PTPRQ: variants seen among roughly 807,000 people sequenced by gnomAD.
PTPRQ encodes the protein phosphatidylinositol phosphatase PTPRQ.
In PTPRQ, 199 loss-of-function variants were observed where a neutral mutation model predicts 246.0. The ratio of observed to expected loss-of-function variants is 0.81; its 90% confidence interval spans 0.72 to 0.91. The LOEUF is 0.91. PTPRQ is among the 40% of genes least tolerant of loss of function. PTPRQ has a pLI of 0.00. For missense variants in PTPRQ, 2,624 were observed against 2,528.4 expected, an observed-to-expected ratio of 1.04 and a Z score of -0.81; for synonymous variants, 869 against 853.2, an observed-to-expected ratio of 1.02 and a Z score of -0.32.
chr12:80,467,256 A>T (rs910160523), intron 6 of PTPRQ, among the ~76,000 whole-genome samples: 52 of 152,196 alleles, frequency 3.4e-4, no homozygotes, highest in African/African-American at 1.2e-3. Context: ...ACATGAAAAG[A>T]TGCTCACCAT....
chr12:80,521,414 G>A (rs1592609466), intron 17 of PTPRQ, among the ~76,000 whole-genome samples: 1 of 152,164 alleles, frequency 6.6e-6, no homozygotes, highest in South Asian at 2.1e-4. Context: ...TGCTTTTTGT[G>A]TTTTAGACAT....
At chr12:80,471,757 T>C (rs1473168263) in intron 7 of PTPRQ, among the ~76,000 whole-genome samples, 2 of 152,126 alleles carry the variant, frequency 1.3e-5, no homozygotes, top group East Asian at 3.9e-4. Context: ...AGCATTTTAA[T>C]TGAATAAATT....
intron 4 of PTPRQ, among the ~76,000 whole-genome samples, chr12:80,458,748 C>A (rs1051776218): frequency 1.3e-5 from 2 of 151,864 alleles, no homozygotes; most frequent in Admixed American, 1.3e-4. Flanking sequence ...ATTATTATTA[C>A]TCTATATAAT....
At chr12:80,623,164 G>A (rs1275493666) in intron 33 of PTPRQ, among the ~76,000 whole-genome samples, 3 of 152,080 alleles carry the variant, frequency 2.0e-5, no homozygotes, top group Non-Finnish European at 4.4e-5. Flanking sequence ...TGAGAGTTAT[G>A]ACTGGAGAAA....
chr12:80,585,207 T>C (rs1897571238), intron 25 of PTPRQ, among the ~76,000 whole-genome samples: 1 of 152,104 alleles, frequency 6.6e-6, no homozygotes. Context: ...TTACCCCTCT[T>C]ACGGTCACCC....
At chr12:80,461,880 G>A (rs944373102) in intron 6 of PTPRQ, 4 of 146,398 alleles carry the variant, frequency 2.7e-5, no homozygotes, top group Non-Finnish European at 3.0e-5. Flanking sequence ...TGATTTCGGG[G>A]GGAGCCAAGA....
chr12:80,602,655 G>T (rs982848742), intron 26 of PTPRQ, among the ~76,000 whole-genome samples: 1 of 151,688 alleles, frequency 6.6e-6, no homozygotes, highest in Non-Finnish European at 1.5e-5. Flanking sequence ...TTCTCATGAC[G>T]TAATCACCTC....
chr12:80,591,120 CTT>C (rs757029945), intron 26 of PTPRQ, among the ~76,000 whole-genome samples: 134 of 77,360 alleles, frequency 1.7e-3, no homozygotes, highest in African/African-American at 6.8e-3. Flanking sequence ...TTGATCATTG[CTT>C]TTTTTTTTTT....
chr12:80,678,471 A>G, intron 43 of PTPRQ, 131 bp from the exon 44 acceptor site: 1 of 1,173,196 alleles, frequency 8.5e-7, no homozygotes, highest in African/African-American at 1.6e-5. Context: ...CTATACTATG[A>G]TAAATTCTGT....
intron 7 of PTPRQ, 134 bp downstream of exon 7, chr12:80,468,972 A>C: frequency 7.9e-7 from 1 of 1,259,940 alleles, no homozygotes; most frequent in East Asian, 2.8e-5. Context: ...TAGGAAAGTC[A>C]TAAGGAAGGG....
intron 35 of PTPRQ, among the ~76,000 whole-genome samples, chr12:80,637,972 C>A (rs1181423861): frequency 6.6e-6 from 1 of 152,092 alleles, no homozygotes; most frequent in African/African-American, 2.4e-5. Context: ...TCTCTTAAAT[C>A]TACCCAGCTA....
Position 80,610,547 on chromosome 12 carries a change from G to T in PTPRQ, c.4840G>T (p.Ala1614Ser). 1 of 1,543,400 alleles carries T rather than the reference G, an allele frequency of 6.5e-7. No individual in the cohort carries two copies. Among genetic ancestry groups the T allele is most frequent in the Non-Finnish European group, 8.8e-7 (1 of 1,141,240 alleles). ...CACAAGGTATTCTGTAGTGATCACT[G>T]CATTTACTGGGAACATTAGTGCTGC... Reference protein sequence around the residue: ...IFTRYSVVITAFTGNISAAYV... With the variant: ...IFTRYSVVITSFTGNISAAYV... The change falls in exon 28 of 45, where the codon GCA becomes TCA. Residue 1614 changes from alanine to serine, a missense_variant. Ala to Ser is a moderately conservative substitution (Grantham distance 99). Transcript: ENST00000644991.
intron 27 of PTPRQ, among the ~76,000 whole-genome samples, chr12:80,609,137 TC>T (rs1332926411): frequency 6.6e-6 from 1 of 150,534 alleles, no homozygotes; most frequent in Non-Finnish European, 1.5e-5. Context: ...TTACTATGTT[TC>T]TTTTTTTTCT....
chr12:80,535,108 A>G, intron 19 of PTPRQ, 71 bp downstream of exon 19: 1 of 1,375,414 alleles, frequency 7.3e-7, no homozygotes, highest in South Asian at 1.6e-5. Flanking sequence ...GACTTGTCAC[A>G]GTAAAAGAAA....
At chr12:80,659,213 T>C (rs535945791) in intron 39 of PTPRQ, among the ~76,000 whole-genome samples, 14 of 152,198 alleles carry the variant, frequency 9.2e-5, no homozygotes, top group African/African-American at 2.9e-4. Flanking sequence ...ATGAATTTAC[T>C]ATTATGGTAA....
intron 8 of PTPRQ, among the ~76,000 whole-genome samples, chr12:80,477,958 C>T (rs990233518): frequency 1.3e-4 from 20 of 152,208 alleles, no homozygotes; most frequent in Admixed American, 7.9e-4. Context: ...GGGTGAGGGG[C>T]GCCCGCCATT....
At chr12:80,554,733 T>TATCATC (rs996361936) in intron 25 of PTPRQ, among the ~76,000 whole-genome samples, 9 of 152,032 alleles carry the variant, frequency 5.9e-5, no homozygotes, top group African/African-American at 1.4e-4. Flanking sequence ...TCAATTTAAT[T>TATCATC]ATCATCATCA....
intron 43 of PTPRQ, among the ~76,000 whole-genome samples, chr12:80,675,265 G>A (rs1901098896): frequency 1.3e-5 from 2 of 152,092 alleles, no homozygotes; most frequent in African/African-American, 4.8e-5. Flanking sequence ...ATTACATTTT[G>A]AGACAGGAAC....
chr12:80,658,630 A>C (rs543301518), intron 39 of PTPRQ, among the ~76,000 whole-genome samples: 1 of 152,208 alleles, frequency 6.6e-6, no homozygotes, highest in Admixed American at 6.6e-5. Context: ...CTCTTTTGGC[A>C]TTGATTCATC....
Sources: gnomAD v4.1 joint callset for allele counts (sites outside exome capture counted in the v4.1 genomes callset) on GRCh38, gnomAD v4.1.1 for gene constraint, MANE v1.5 for transcripts, NCBI Gene and HGNC (gene_info 2026-07-23, HGNC 2026-07-21) for gene names.